The following CHD8 variants were observed in gnomAD, a reference collection of about 807,000 sequenced individuals.
The protein encoded by CHD8 is ATP-dependent chromatin remodeler CHD8.
A neutral mutation model predicts 279.2 loss-of-function variants in CHD8; 31 were observed. The observed-to-expected ratio is 0.11, with a 90% CI of 0.08 to 0.15. The LOEUF (loss-of-function observed/expected upper bound fraction) is 0.15. Among genes scored for constraint, CHD8 ranks in the 10% least tolerant of loss-of-function variants. The pLI, the probability that CHD8 is intolerant of heterozygous loss-of-function variation, is 1.00. For synonymous variants in CHD8, 1,081 were observed against 1,139.6 expected (o/e 0.95, Z 1.04); for missense variants, 2,146 against 3,230.5 (o/e 0.66, Z 8.14).
At chr14:21,455,757 A>C (rs865806636) in intron 1 of CHD8, among the ~76,000 whole-genome samples, 9 of 151,830 alleles carry the variant, frequency 5.9e-5, no homozygotes, top group Middle Eastern at 6.9e-3. Flanking sequence ...TAATGCAATG[A>C]CAAGCCCTGA....
intron 5 of CHD8, chr14:21,419,790 C>A: frequency 3.0e-6 from 1 of 336,714 alleles, no homozygotes. Flanking sequence ...CCTGGAGTGT[C>A]GGAACTCACC....
At position 21,392,509 on chromosome 14, in the gene CHD8, C is replaced by T. The variant is rs201511497; in HGVS notation, c.6769G>A (p.Asp2257Asn). The T allele has an allele frequency of 1.9e-6, 3 of 1,610,784 alleles. No homozygotes were observed. The East Asian group carries it at 6.7e-5, about 36-fold the overall frequency. ...DEKEFTVQIK[D>N]EEGLKLTFQK... The stretch of plus-strand genomic sequence containing the variant: ...CAATGCCCAAATGCTGAGCTTACAT[C>T]TTTGATTTGAACTGTAAACTCCTTT... Residue 2257 changes from aspartate to asparagine, a missense_variant and splice_region_variant, in exon 34 of 38, where the codon GAT becomes AAT. Physicochemically the swap from Asp to Asn is conservative, Grantham distance 23. Around this residue, in one of 26 missense-constraint regions of CHD8, gnomAD observed 7 missense variants for 28.9 expected, o/e 0.24. Transcript: ENST00000646647.
intron 5 of CHD8, among the ~76,000 whole-genome samples, chr14:21,418,738 C>A (rs1046974095): frequency 6.6e-6 from 1 of 151,446 alleles, no homozygotes; most frequent in Admixed American, 6.6e-5. Flanking sequence ...ATGGCATGAA[C>A]CCAGGAGGCG....
intron 1 of CHD8, among the ~76,000 whole-genome samples, chr14:21,437,498 A>C (rs1485793793): frequency 1.3e-5 from 2 of 152,200 alleles, no homozygotes; most frequent in African/African-American, 2.4e-5. Context: ...GAACAGTCTC[A>C]TAGTACGCGA....
At chr14:21,420,591 G>A (rs1206410803) in intron 5 of CHD8, among the ~76,000 whole-genome samples, 1 of 152,100 alleles carries the variant, frequency 6.6e-6, no homozygotes, top group Non-Finnish European at 1.5e-5. Flanking sequence ...TTCCACTAAA[G>A]AACAACCTCC....
At chr14:21,444,415 C>T (rs1419131802) in intron 1 of CHD8, among the ~76,000 whole-genome samples, 3 of 152,162 alleles carry the variant, frequency 2.0e-5, no homozygotes, top group Admixed American at 2.0e-4. Context: ...AGCTCTCTCT[C>T]CCTTTATATT....
chr14:21,398,001 T>C, intron 26 of CHD8, 49 bp from the exon 27 acceptor site: 2 of 1,531,522 alleles, frequency 1.3e-6, no homozygotes, highest in Non-Finnish European at 8.9e-7. Flanking sequence ...TGTTTTGCCT[T>C]TATGCTTACT....
rs1487735385 is a variant in CHD8, at chr14:21,436,232, T to A, written c.-215-4374A>T. ...ACAAATCTTGTTGTTGGAAACTGTA[T>A]CCTTTCAAGAAGATCAGTTGCAGAT... On this transcript the variant is annotated intron_variant, in intron 1 of 37. Transcript: ENST00000646647. 2.0e-5 allele frequency among the ~76,000 whole-genome samples: 3 copies of A among 152,190 alleles called. No homozygotes were observed. The East Asian group carries it at 5.8e-4, about 29-fold the overall frequency.
At chr14:21,421,488 T>C (rs925315912) in intron 5 of CHD8, among the ~76,000 whole-genome samples, 1 of 152,086 alleles carries the variant, frequency 6.6e-6, no homozygotes, top group Non-Finnish European at 1.5e-5. Context: ...TATTGCAATA[T>C]TGCTACAATA....
At chr14:21,394,233 C>T in intron 31 of CHD8, 38 bp from the exon 32 acceptor site, 1 of 1,611,882 alleles carries the variant, frequency 6.2e-7, no homozygotes, top group East Asian at 2.2e-5. Context: ...AACAGAGTTG[C>T]TTCTGTTGGC....
At chr14:21,442,716 GAA>G in intron 1 of CHD8, among the ~76,000 whole-genome samples, 8 of 86,456 alleles carry the variant, frequency 9.3e-5, no homozygotes, top group Non-Finnish European at 1.4e-4. Flanking sequence ...GAGGAGAGGA[GAA>G]GGGAGGAGAG....
At chr14:21,451,163 ATATAC>A (rs1890246081) in intron 1 of CHD8, among the ~76,000 whole-genome samples, 2 of 152,202 alleles carry the variant, frequency 1.3e-5, no homozygotes, top group African/African-American at 2.4e-5. Flanking sequence ...ACTAGTGAGA[ATATAC>A]TACAGGAAAA....
intron 16 of CHD8, chr14:21,404,999 T>C (rs920160415): frequency 3.7e-6 from 2 of 541,786 alleles, no homozygotes; most frequent in Admixed American, 3.3e-5. Flanking sequence ...ACCTGGCTAA[T>C]TTTTGTATTT....
intron 5 of CHD8, among the ~76,000 whole-genome samples, chr14:21,421,780 G>GT (rs1419794742): frequency 6.6e-6 from 1 of 152,108 alleles, no homozygotes; most frequent in Non-Finnish European, 1.5e-5. Context: ...GAATGTGAGT[G>GT]TATTAGGAAA....
rs1004292026 is a variant in CHD8, at chr14:21,437,062, G to A, written c.-215-5204C>T. The A allele has an allele frequency of 9.4e-5, 71 of 757,332 alleles. 1 individual carries two copies. The highest frequency in any genetic ancestry group is 6.6e-4 in the South Asian group (46 of 69,274). 46.9% of individuals were successfully genotyped at this position (757,332 alleles called of 1,614,324 possible). A position where few individuals can be genotyped will look rare whatever the true frequency, so the allele number is the denominator to read the frequency against. On this transcript the variant is annotated intron_variant, in intron 1 of 37. Transcript: ENST00000646647. ...GGGGATGGCCAAGACGGGAAGATGC[G>A]GGGGGTGGGGGGTGTGGATGCCCGG...
Position 21,399,766 on chromosome 14 carries a change from G to T in CHD8, c.4818-61C>A, listed in dbSNP as rs1887950008. ...GCAGGAAATTAAAGTGAGAATCCTT[G>T]CAAAGGTTATTATAGGTATCTTCCT... is the stretch of plus-strand genomic sequence containing the variant. On this transcript the variant is annotated intron_variant, in intron 25 of 37. Transcript: ENST00000646647. 5.7e-6 allele frequency: 7 copies of T among 1,220,068 alleles called. No homozygotes were observed. The East Asian group carries it at 1.4e-4, about 24-fold the overall frequency. The allele number at this position is 1,220,068 out of a possible 1,614,324, so 75.6% of individuals were successfully genotyped here.
intron 10 of CHD8, 76 bp downstream of exon 10, chr14:21,412,836 GA>G: frequency 1.1e-6 from 1 of 901,624 alleles, no homozygotes; most frequent in South Asian, 1.4e-5. Flanking sequence ...ATCCATACCC[GA>G]AAAATAAAGG....
At chr14:21,395,213 A>G (rs1887724189) in intron 29 of CHD8, 85 bp downstream of exon 29, 5 of 1,527,610 alleles carry the variant, frequency 3.3e-6, no homozygotes, top group Non-Finnish European at 4.5e-6. Flanking sequence ...AGCTCTTAGA[A>G]ATCCCAGGAT....
At chr14:21,398,811 C>A (rs1887903442) in intron 26 of CHD8, 1 of 175,022 alleles carries the variant, frequency 5.7e-6, no homozygotes, top group African/African-American at 2.4e-5. Flanking sequence ...TCAAAAACTG[C>A]TGCCTCATAC....
Sources: gnomAD v4.1 joint callset for allele counts (sites outside exome capture counted in the v4.1 genomes callset) on GRCh38, gnomAD v4.1.1 for gene constraint, gnomAD v4.1.1 regional missense constraint, MANE v1.5 for transcripts, NCBI Gene and HGNC (gene_info 2026-07-23, HGNC 2026-07-21) for gene names.